Variants in ERBB4 observed in about 807,000 individuals in gnomAD.
ERBB4 encodes receptor tyrosine-protein kinase erbB-4.
Under a neutral mutation model 158.0 loss-of-function variants are expected in ERBB4, and 42 were observed. That is an observed-to-expected ratio of 0.27 (90% CI 0.21 to 0.34). The LOEUF (loss-of-function observed/expected upper bound fraction) is 0.34, where lower values mean the gene tolerates loss of function less well. Among genes scored for constraint, ERBB4 ranks in the 10% least tolerant of loss-of-function variants. The pLI, the probability that ERBB4 is intolerant of heterozygous loss-of-function variation, is 1.00. For missense variants in ERBB4, 1,333 were observed against 1,624.1 expected, an observed-to-expected ratio of 0.82 and a Z score of 3.08; for synonymous variants, 583 against 558.7, an observed-to-expected ratio of 1.04 and a Z score of -0.61.
chr2:211,540,392 T>C (rs2066770314), intron 20 of ERBB4, among the ~76,000 whole-genome samples: 1 of 151,844 alleles, frequency 6.6e-6, no homozygotes, highest in African/African-American at 2.4e-5. Context: ...TGCAATCGAA[T>C]AAACTAAATA....
At chr2:211,890,356 G>A (rs1377949792) in intron 3 of ERBB4, among the ~76,000 whole-genome samples, 1 of 142,630 alleles carries the variant, frequency 7.0e-6, no homozygotes. Context: ...AGCAAATGCT[G>A]AGAGATTTTG....
At chr2:211,903,302 T>C (rs2079288735) in intron 3 of ERBB4, among the ~76,000 whole-genome samples, 1 of 152,092 alleles carries the variant, frequency 6.6e-6, no homozygotes, top group African/African-American at 2.4e-5. Context: ...TTAAATATCA[T>C]ATTGAATGAA....
intron 4 of ERBB4, among the ~76,000 whole-genome samples, chr2:211,751,321 C>T (rs911375863): frequency 1.3e-5 from 2 of 151,974 alleles, no homozygotes; most frequent in African/African-American, 4.8e-5. Context: ...TCTTCTTCTA[C>T]CATAGGTATT....
intron 1 of ERBB4, among the ~76,000 whole-genome samples, chr2:212,226,705 T>A (rs1248041526): frequency 6.6e-6 from 1 of 152,136 alleles, no homozygotes; most frequent in Non-Finnish European, 1.5e-5. Flanking sequence ...GAACATAAAG[T>A]TGCTTTTTTT....
rs111386683 is a variant in ERBB4 at position 211,883,589 on chromosome 2, C to A, written c.421+63841G>T. Among the ~76,000 whole-genome samples the A allele has an allele frequency of 2.6e-5, 4 of 151,926 alleles. No homozygotes were observed. In the East Asian group the frequency reaches 7.7e-4, roughly 29 times the overall value. On this transcript the variant is annotated intron_variant, in intron 3 of 27. Coordinates refer to ENST00000342788, the MANE Select transcript of ERBB4 (RefSeq NM_005235.3). ...GGTCAGGAGTTCTAGACCAGCCTGG[C>A]CAACACGGTTGGTGAAAGAAACCCT...
At chr2:212,173,279 G>A (rs1026898772) in intron 1 of ERBB4, among the ~76,000 whole-genome samples, 1 of 152,046 alleles carries the variant, frequency 6.6e-6, no homozygotes, top group Non-Finnish European at 1.5e-5. Flanking sequence ...GAATAGGATA[G>A]GGACATACTA....
At chr2:212,048,078 G>C (rs867082765) in intron 2 of ERBB4, among the ~76,000 whole-genome samples, 43 of 152,224 alleles carry the variant, frequency 2.8e-4, no homozygotes, top group African/African-American at 1.0e-3. Context: ...TGTGAAGTCA[G>C]GGAAGAAAAA....
chr2:211,670,663 G>A (rs2071805408), intron 14 of ERBB4, among the ~76,000 whole-genome samples: 2 of 152,096 alleles, frequency 1.3e-5, no homozygotes, highest in Admixed American at 1.3e-4. Flanking sequence ...TAAGTACATT[G>A]AGCAATTCAT....
At chr2:211,843,384 C>A (rs919680544) in intron 3 of ERBB4, among the ~76,000 whole-genome samples, 2 of 150,732 alleles carry the variant, frequency 1.3e-5, no homozygotes, top group South Asian at 4.2e-4. Context: ...AGCAGGCCAA[C>A]ACTCAGGCTG....
intron 1 of ERBB4, among the ~76,000 whole-genome samples, chr2:212,206,370 C>T (rs183900816): frequency 1.4e-4 from 21 of 152,186 alleles, no homozygotes; most frequent in Admixed American, 1.2e-3. Context: ...TATGTAGTTA[C>T]ATTTGTAAAA....
intron 1 of ERBB4, among the ~76,000 whole-genome samples, chr2:212,357,313 G>A (rs1226008458): frequency 6.6e-6 from 1 of 151,712 alleles, no homozygotes; most frequent in Non-Finnish European, 1.5e-5. Flanking sequence ...ATATTATTAA[G>A]ATAAATTAGT....
At chr2:211,864,519 A>C (rs766909415) in intron 3 of ERBB4, among the ~76,000 whole-genome samples, 2 of 152,220 alleles carry the variant, frequency 1.3e-5, no homozygotes, top group Non-Finnish European at 2.9e-5. Context: ...GAAAAGCTCA[A>C]GATGCTGACC....
intron 9 of ERBB4, among the ~76,000 whole-genome samples, chr2:211,710,000 C>T (rs1021274954): frequency 1.3e-5 from 2 of 152,070 alleles, no homozygotes; most frequent in Admixed American, 1.3e-4. Flanking sequence ...TAATTGGAAA[C>T]TTGGCATTCC....
intron 1 of ERBB4, among the ~76,000 whole-genome samples, chr2:212,386,025 C>G (rs1199841155): frequency 6.6e-6 from 1 of 151,714 alleles, no homozygotes; most frequent in Non-Finnish European, 1.5e-5. Context: ...ATCTTACCAG[C>G]GAAGACCAGT....
intron 3 of ERBB4, among the ~76,000 whole-genome samples, chr2:211,881,601 T>TGG (rs113757181): frequency 1.3e-3 from 50 of 37,438 alleles, no homozygotes; most frequent in African/African-American, 2.4e-3. Flanking sequence ...GGGGTGGGGG[T>TGG]CGGGGGGGCT....
At chr2:211,772,808 GATATATATATATATATATATATATATAC>G (rs2075726722) in intron 4 of ERBB4, among the ~76,000 whole-genome samples, 2 of 37,728 alleles carry the variant, frequency 5.3e-5, no homozygotes, top group African/African-American at 2.6e-4. Context: ...ACCATACTGG[GATATATATATATATATATATATATATAC>G]ACATATATAT....
At chr2:211,632,373 GA>G (rs2070175712) in intron 16 of ERBB4, among the ~76,000 whole-genome samples, 3 of 151,946 alleles carry the variant, frequency 2.0e-5, no homozygotes, top group Admixed American at 6.6e-5. Flanking sequence ...ACATATCCCT[GA>G]AAAGTCACTG....
chr2:211,663,103 C>A (rs185331992), intron 15 of ERBB4, among the ~76,000 whole-genome samples: 6 of 152,110 alleles, frequency 3.9e-5, no homozygotes, highest in African/African-American at 1.4e-4. Flanking sequence ...GCACAGAACA[C>A]CTTATTGCTT....
intron 1 of ERBB4, among the ~76,000 whole-genome samples, chr2:212,401,986 T>C (rs965295597): frequency 2.5e-4 from 38 of 152,280 alleles, no homozygotes; most frequent in African/African-American, 7.9e-4. Flanking sequence ...TATTTTTATA[T>C]ACAATCTATT....
Sources: allele counts gnomAD v4.1 joint callset (sites outside exome capture counted in the v4.1 genomes callset), GRCh38; gene constraint gnomAD v4.1.1; transcripts MANE v1.5; gene names NCBI Gene and HGNC (gene_info 2026-07-23, HGNC 2026-07-21).